Variants in SLC39A11 observed in about 807,000 individuals in gnomAD.
The protein encoded by SLC39A11 is solute carrier family 39 member 11, also known as zinc transporter ZIP11.
Under a neutral mutation model 36.1 loss-of-function variants are expected in SLC39A11, and 33 were observed. The observed-to-expected ratio is 0.91, with a 90% CI of 0.69 to 1.22. The LOEUF (loss-of-function observed/expected upper bound fraction) is 1.22, where lower values mean the gene tolerates loss of function less well. Among genes scored for constraint, SLC39A11 ranks in the 50% most tolerant of loss-of-function variants. The probability of loss-of-function intolerance (pLI) is 0.00; values close to 1 mark genes in which losing one functional copy is unlikely to be tolerated. For synonymous variants in SLC39A11, 166 were observed against 170.3 expected (o/e 0.97, Z 0.20); for missense variants, 432 against 430.3 (o/e 1.00, Z -0.03).
intron 5 of SLC39A11, among the ~76,000 whole-genome samples, chr17:72,878,721 T>C (rs2081043582): frequency 6.6e-6 from 1 of 152,248 alleles, no homozygotes; most frequent in East Asian, 1.9e-4. Flanking sequence ...AGAATACTTC[T>C]ATGACCTCTG....
At chr17:72,721,927 G>A (rs967875282) in intron 7 of SLC39A11, among the ~76,000 whole-genome samples, 10 of 133,676 alleles carry the variant, frequency 7.5e-5, no homozygotes, top group East Asian at 2.1e-4. Context: ...CAGAGATGGC[G>A]CCACTACATT....
At chr17:72,750,647 A>G (rs2075120764) in intron 6 of SLC39A11, among the ~76,000 whole-genome samples, 1 of 152,114 alleles carries the variant, frequency 6.6e-6, no homozygotes, top group African/African-American at 2.4e-5. Context: ...TCTAAAATCC[A>G]GGCAAGAAAA....
chr17:72,774,669 C>T (rs1228642948), intron 6 of SLC39A11, among the ~76,000 whole-genome samples: 2 of 152,090 alleles, frequency 1.3e-5, no homozygotes. Context: ...TTCAATCAGC[C>T]GGGCAGTGAC....
intron 5 of SLC39A11, among the ~76,000 whole-genome samples, chr17:72,931,169 G>A (rs2084371629): frequency 1.3e-5 from 2 of 152,170 alleles, no homozygotes; most frequent in Non-Finnish European, 2.9e-5. Flanking sequence ...GGCCCAAAAA[G>A]AGAGGTACAG....
chr17:73,006,629 T>C (rs1188910212), intron 4 of SLC39A11, among the ~76,000 whole-genome samples: 1 of 149,988 alleles, frequency 6.7e-6, no homozygotes, highest in African/African-American at 2.5e-5. Context: ...CCTTGGGTGC[T>C]TTACTTAGAA....
rs1035920479 is a variant in SLC39A11 at position 72,865,860 on chromosome 17, G to A, written c.431-16056C>T. Reference sequence around the variant, plus strand: ...CAAGAAAAAACAGACGAACCCACTCGAACAACTACAAAATAAAATCCACAG... The same window carrying A: ...CAAGAAAAAACAGACGAACCCACTCAAACAACTACAAAATAAAATCCACAG... On this transcript the variant is annotated intron_variant, in intron 5 of 9. Coordinates refer to ENST00000255559, the MANE Select transcript of SLC39A11 (RefSeq NM_139177.4). 3.9e-5 allele frequency among the ~76,000 whole-genome samples: 6 copies of A among 152,168 alleles called. No homozygotes were observed. The South Asian group carries it at 8.3e-4, about 21-fold the overall frequency.
At chr17:72,923,450 A>T (rs993965455) in intron 5 of SLC39A11, among the ~76,000 whole-genome samples, 1 of 152,252 alleles carries the variant, frequency 6.6e-6, no homozygotes, top group Admixed American at 6.5e-5. Flanking sequence ...GCATGCAAAA[A>T]ATTAGTACCA....
intron 3 of SLC39A11, among the ~76,000 whole-genome samples, chr17:73,057,117 A>C (rs892980394): frequency 5.9e-5 from 9 of 151,896 alleles, no homozygotes; most frequent in African/African-American, 2.2e-4. Flanking sequence ...TGCCCAGTTA[A>C]TTTTTTGTGG....
chr17:72,983,073 T>C (rs1045629083), intron 4 of SLC39A11, among the ~76,000 whole-genome samples: 15 of 152,190 alleles, frequency 9.9e-5, no homozygotes, highest in African/African-American at 3.4e-4. Context: ...GGGAACTGAT[T>C]AGATAACTCA....
intron 5 of SLC39A11, among the ~76,000 whole-genome samples, chr17:72,895,377 G>A (rs4563093): frequency 0.5 from 75,933 of 151,978 alleles, 19,242 homozygotes; most frequent in East Asian, 0.71. Flanking sequence ...TCAAGAGTTC[G>A]AGACCATCCT....
At chr17:72,954,118 C>T (rs953077570) in intron 4 of SLC39A11, among the ~76,000 whole-genome samples, 1 of 152,146 alleles carries the variant, frequency 6.6e-6, no homozygotes, top group South Asian at 2.1e-4. Flanking sequence ...GTGATCTCAG[C>T]TCACTGCAAC....
At chr17:72,745,118 C>T (rs910777791) in intron 6 of SLC39A11, among the ~76,000 whole-genome samples, 1 of 152,174 alleles carries the variant, frequency 6.6e-6, no homozygotes, top group South Asian at 2.1e-4. Context: ...CTGGGATTAC[C>T]GGCATGAGCC....
At chr17:72,814,449 G>A (rs932074109) in intron 6 of SLC39A11, among the ~76,000 whole-genome samples, 1 of 152,196 alleles carries the variant, frequency 6.6e-6, no homozygotes, top group Non-Finnish European at 1.5e-5. Context: ...CAGGCCAAAT[G>A]AGGGCCACTG....
At chr17:72,897,725 G>T (rs996559866) in intron 5 of SLC39A11, among the ~76,000 whole-genome samples, 2 of 152,144 alleles carry the variant, frequency 1.3e-5, no homozygotes, top group Non-Finnish European at 2.9e-5. Context: ...AGCTTCAAAA[G>T]CTAACCTGCA....
intron 6 of SLC39A11, among the ~76,000 whole-genome samples, chr17:72,817,432 T>C (rs1025571933): frequency 2.0e-5 from 3 of 151,848 alleles, no homozygotes; most frequent in Non-Finnish European, 4.4e-5. Flanking sequence ...GAGAACTTGC[T>C]CCCAGGAGAA....
intron 7 of SLC39A11, among the ~76,000 whole-genome samples, chr17:72,733,372 C>A (rs1043638771): frequency 5.9e-5 from 9 of 152,136 alleles, no homozygotes; most frequent in African/African-American, 2.2e-4. Context: ...TTTTTTCATA[C>A]AAATTGTGTT....
intron 3 of SLC39A11, among the ~76,000 whole-genome samples, chr17:73,056,985 A>C (rs1327883795): frequency 6.6e-6 from 1 of 152,158 alleles, no homozygotes; most frequent in Non-Finnish European, 1.5e-5. Flanking sequence ...CCTGAGACAC[A>C]GTCTTGCTCT....
intron 4 of SLC39A11, among the ~76,000 whole-genome samples, chr17:72,988,281 C>T (rs777196813): frequency 6.6e-6 from 1 of 152,168 alleles, no homozygotes; most frequent in Non-Finnish European, 1.5e-5. Flanking sequence ...GGTGAAATCC[C>T]GTCTCTGCTA....
In SLC39A11 at chr17:72,911,957, T is replaced by G. The variant is rs192896823; in HGVS notation, c.430+35795A>C. On this transcript the variant is annotated intron_variant, in intron 5 of 9. Transcript: ENST00000255559. ...CTGCAGCCTGGCCCAGTTTGGAAAT[T>G]TCTAACAAGCAGTTGAAAATGCAGG... 8.5e-5 allele frequency among the ~76,000 whole-genome samples: 13 copies of G among 152,184 alleles called. No homozygotes were observed. In the East Asian group the frequency reaches 2.3e-3, roughly 27 times the overall value.
Sources: allele counts gnomAD v4.1 joint callset (sites outside exome capture counted in the v4.1 genomes callset), GRCh38; gene constraint gnomAD v4.1.1; transcripts MANE v1.5; gene names NCBI Gene and HGNC (gene_info 2026-07-23, HGNC 2026-07-21).